The following GNAT2 variants were observed in gnomAD, a reference collection of about 807,000 sequenced individuals.
GNAT2 encodes guanine nucleotide-binding protein G(t) subunit alpha-2.
A neutral mutation model predicts 40.9 loss-of-function variants in GNAT2; 32 were observed. The ratio of observed to expected loss-of-function variants is 0.78; its 90% CI spans 0.59 to 1.05. The LOEUF (loss-of-function observed/expected upper bound fraction) is 1.05. Ranked by LOEUF, GNAT2 falls within the 50% of genes least tolerant of loss-of-function variation. GNAT2 has a pLI of 0.00. For missense variants in GNAT2, 355 were observed against 431.5 expected (o/e 0.82, Z 1.57); for synonymous variants, 141 against 157.2 (o/e 0.90, Z 0.77).
rs878924335 is a variant in GNAT2, at chr1:109,606,503, T to C, written c.462-67A>G. On this transcript the variant is annotated intron_variant, in intron 5 of 8. Transcript: ENST00000679935. ...ACGAGGCTAAGAGACGTAAAAGGTA[T>C]CTTACCCAAAGTCACACAGCTAATT... is the stretch of plus-strand genomic sequence containing the variant. 1.5e-5 allele frequency: 20 copies of C among 1,358,646 alleles called. No individual in the cohort carries two copies. The South Asian group carries it at 2.3e-4, about 16-fold the overall frequency. The allele number at this position is 1,358,646 out of a possible 1,614,324, so 84.2% of individuals were successfully genotyped here. A position where few individuals can be genotyped will look rare whatever the true frequency, so the allele number is the denominator to read the frequency against.
intron 8 of GNAT2, 28 bp from the exon 9 acceptor site, chr1:109,603,572 G>C (rs1304511313): frequency 6.9e-7 from 1 of 1,451,130 alleles, no homozygotes; most frequent in Non-Finnish European, 9.7e-7. Context: ...TAGTGAAAAA[G>C]TAGAATAAAT....
intron 4 of GNAT2, chr1:109,609,239 A>G (rs1649714504): frequency 5.0e-6 from 1 of 199,460 alleles, no homozygotes; most frequent in Non-Finnish European, 1.0e-5. Flanking sequence ...TTCACTTACA[A>G]AAGTTCCATG....
chr1:109,612,680 T>A, intron 2 of GNAT2, 73 bp downstream of exon 2: 1 of 920,670 alleles, frequency 1.1e-6, no homozygotes. Context: ...TGGGGTGAGG[T>A]AGAACCCACC....
Position 109,603,303 on chromosome 1 carries a change from A to T in GNAT2, c.*51T>A. On this transcript the variant is annotated 3_prime_UTR_variant, in exon 9 of 9. Coordinates refer to ENST00000679935, the MANE Select transcript of GNAT2 (RefSeq NM_001377295.2). ...TGACTATAATTTTCTGTTTTTAATT[A>T]CCCAGATTCCAAGCCTGTTTATAGA... 1.0e-6 allele frequency: 1 copy of T among 997,046 alleles called. No individual in the cohort carries two copies. Among genetic ancestry groups the T allele is most frequent in the Non-Finnish European group, 1.6e-6 (1 of 620,078 alleles). 61.8% of individuals were successfully genotyped at this position (997,046 alleles called of 1,614,324 possible).
intron 5 of GNAT2, chr1:109,608,280 T>C (rs1649671438): frequency 2.7e-6 from 1 of 368,276 alleles, no homozygotes; most frequent in Non-Finnish European, 5.2e-6. Context: ...ACTGCAGGGC[T>C]ATCTTAGGGT....
intron 5 of GNAT2, 28 bp from the exon 6 acceptor site, chr1:109,606,464 C>A (rs1649601298): frequency 1.2e-6 from 2 of 1,607,628 alleles, no homozygotes; most frequent in Non-Finnish European, 1.7e-6. Context: ...GCATCAATGA[C>A]AAATTTTCCA....
At chr1:109,613,260 C>A in intron 1 of GNAT2, 3 of 301,900 alleles carry the variant, frequency 9.9e-6, no homozygotes, top group South Asian at 9.3e-5. Flanking sequence ...TTAAGGGGTT[C>A]ATCCCCTGAA....
intron 3 of GNAT2, 91 bp from the exon 4 acceptor site, chr1:109,610,272 A>G: frequency 1.4e-6 from 2 of 1,411,988 alleles, no homozygotes; most frequent in Non-Finnish European, 2.0e-6. Context: ...GATCATAAGA[A>G]TCCTATCTCT....
In GNAT2 at chr1:109,612,772, A is replaced by T. The variant is rs1288482491; in HGVS notation, c.99T>A (p.Thr33=). The T allele has an allele frequency of 1.9e-6, 3 of 1,602,362 alleles. No individual in the cohort carries two copies. Among genetic ancestry groups the T allele is most frequent in the South Asian group, 1.1e-5 (1 of 90,854 alleles). Residue 33 remains threonine, a synonymous_variant, in exon 2 of 9, where the codon ACT becomes ACA. Transcript: ENST00000679935. The part of the protein sequence containing the change: ...LQEDADKEAK[T]VKLLLLGAGE... ...ACTCACCCAGCAGTAGCAGCTTGAC[A>T]GTCTTGGCTTCCTTATCAGCATCCT...
chr1:109,603,519 C>T lies in GNAT2; in HGVS notation c.900G>A (p.Gly300=). Residue 300 remains glycine (G), a synonymous_variant, in exon 9 of 9, where the codon GGG becomes GGA. Coordinates refer to ENST00000679935, the MANE Select transcript of GNAT2 (RefSeq NM_001377295.2). The part of the protein sequence containing the change: ...YDGNNSYDDA[G]NYIKSQFLDL... ...CAAGGAACTGGCTCTTTATGTAATT[C>T]CCCGCATCATCATAGGAGTTGTTAC... 4 of 1,610,268 alleles carry T rather than the reference C, an allele frequency of 2.5e-6. No homozygotes were observed. Among genetic ancestry groups the T allele is most frequent in the South Asian group, 2.2e-5 (2 of 90,988 alleles).
intron 1 of GNAT2, chr1:109,615,229 G>T (rs1406463126): frequency 1.1e-4 from 17 of 152,222 alleles, no homozygotes; most frequent in Admixed American, 1.1e-3. Context: ...AGTCAGCTGG[G>T]CATAGTGGCG....
At chr1:109,605,637 A>G (rs1219969161) in intron 7 of GNAT2, 2 of 362,928 alleles carry the variant, frequency 5.5e-6, no homozygotes, top group South Asian at 2.2e-5. Context: ...TTGGGAGAGT[A>G]CTAAGTGTAA....
At chr1:109,612,657 C>T (rs1382408348) in intron 2 of GNAT2, 96 bp downstream of exon 2, 2 of 807,164 alleles carry the variant, frequency 2.5e-6, no homozygotes, top group African/African-American at 3.4e-5. Context: ...TGACCTGCCA[C>T]CCTTCCTTCC....
chr1:109,611,843 G>A (rs898486150), intron 2 of GNAT2: 1 of 152,038 alleles, frequency 6.6e-6, no homozygotes, highest in African/African-American at 2.4e-5. Context: ...GTGTCCTTAC[G>A]ACTGTGCCAC....
At chr1:109,615,111 G>A (rs1281124659) in intron 1 of GNAT2, 1 of 152,178 alleles carries the variant, frequency 6.6e-6, no homozygotes, top group Non-Finnish European at 1.5e-5. Context: ...ATTAATAACT[G>A]CTGAACAATG....
chr1:109,606,403 A>G lies in GNAT2; in HGVS notation c.495T>C (p.Pro165=), dbSNP rs771518962. The G allele has an allele frequency of 5.0e-6, 8 of 1,612,302 alleles. No homozygotes were observed. Among genetic ancestry groups the G allele is most frequent in the East Asian group, 2.2e-5 (1 of 44,880 alleles). ...YLNQLERITD[P]EYLPSEQDVL... is the part of the protein sequence containing the mutation. ...CATCTTGCTCACTAGGGAGGTACTC[A>G]GGGTCTGTAATTCGTTCTAATTGGT... Residue 165 remains proline, a synonymous_variant, in exon 6 of 9, where the codon CCT becomes CCC. Coordinates refer to ENST00000679935, the MANE Select transcript of GNAT2 (RefSeq NM_001377295.2).
chr1:109,610,285 G>C, intron 3 of GNAT2, 104 bp from the exon 4 acceptor site: 2 of 1,338,732 alleles, frequency 1.5e-6, no homozygotes, highest in Non-Finnish European at 2.1e-6. Flanking sequence ...CTATCTCTCT[G>C]TTGCTACTGC....
intron 8 of GNAT2, 105 bp downstream of exon 8, chr1:109,603,845 CA>C: frequency 1.1e-6 from 1 of 877,238 alleles, no homozygotes. Context: ...TAACTGTGCC[CA>C]AGGTTCTCCC....
In GNAT2 at chr1:109,608,919, G is replaced by C; in HGVS notation, c.304-131C>G. ...TAAGATGGAAGCAGTATCCAGTGAA[G>C]ATTCTATGTAAGAAAACATACTGTT... On this transcript the variant is annotated intron_variant, in intron 4 of 8. Transcript: ENST00000679935. 3 of 772,882 alleles carry C rather than the reference G, an allele frequency of 3.9e-6. 1 individual carries two copies. In the South Asian group the frequency reaches 4.4e-5, roughly 11 times the overall value. The allele number at this position is 772,882 out of a possible 1,614,324, so 47.9% of individuals were successfully genotyped here. A position where few individuals can be genotyped will look rare whatever the true frequency, so the allele number is the denominator to read the frequency against.
Sources: allele counts gnomAD v4.1 joint callset, GRCh38; gene constraint gnomAD v4.1.1; transcripts MANE v1.5; gene names NCBI Gene and HGNC (gene_info 2026-07-23, HGNC 2026-07-21).